The following SIRT3 variants were observed in gnomAD, a reference collection of about 807,000 sequenced individuals.
The protein encoded by SIRT3 is sirtuin 3.
In SIRT3, 26 loss-of-function variants were observed where a neutral mutation model predicts 33.5. That is an observed-to-expected ratio of 0.78 (90% CI 0.57 to 1.08). The LOEUF (loss-of-function observed/expected upper bound fraction) is 1.08. Ranked by LOEUF, SIRT3 falls within the 50% of genes least tolerant of loss-of-function variation. The probability of loss-of-function intolerance (pLI) is 0.00; values close to 1 mark genes in which losing one functional copy is unlikely to be tolerated. For missense variants in SIRT3, 585 were observed against 530.1 expected (o/e 1.10, Z -1.02); for synonymous variants, 237 against 222.1 (o/e 1.07, Z -0.60).
At position 233,343 on chromosome 11, in the gene SIRT3, C is replaced by T; in HGVS notation, c.473G>A (p.Arg158Lys). Residue 158 changes from arginine (R) to lysine (K), a missense_variant and splice_region_variant, in exon 2 of 7, where the codon AGA becomes AAA. By Grantham distance (26) the Arg-to-Lys change is conservative. Coordinates refer to ENST00000382743, the MANE Select transcript of SIRT3 (RefSeq NM_012239.6). Reference sequence around the variant, plus strand: ...AGGCAGGTGGGACTGTGGGCAGTACCTGAAGTCTGGAATGCCACTGGGTGT... The same window carrying T: ...AGGCAGGTGGGACTGTGGGCAGTACTTGAAGTCTGGAATGCCACTGGGTGT... Reference protein sequence around the residue: ...ISTPSGIPDFRSPGSGLYSNL... With the variant: ...ISTPSGIPDFKSPGSGLYSNL... The T allele has an allele frequency of 6.2e-7, 1 of 1,613,376 alleles. No individual in the cohort carries two copies. Among genetic ancestry groups the T allele is most frequent in the Non-Finnish European group, 8.5e-7 (1 of 1,179,616 alleles).
intron 4 of SIRT3, among the ~76,000 whole-genome samples, chr11:224,563 G>A (rs1037429028): frequency 1.9e-4 from 29 of 152,320 alleles, no homozygotes; most frequent in Admixed American, 4.6e-4. Flanking sequence ...ACATCCAGGC[G>A]CTAAGGAAAC....
intron 3 of SIRT3, among the ~76,000 whole-genome samples, chr11:231,391 T>C (rs1184224434): frequency 6.6e-6 from 1 of 152,180 alleles, no homozygotes; most frequent in Non-Finnish European, 1.5e-5. Flanking sequence ...GCTATGATCA[T>C]GCCACTGCAC....
intron 6 of SIRT3, among the ~76,000 whole-genome samples, chr11:218,077 G>GT (rs1251211271): frequency 6.6e-6 from 1 of 152,174 alleles, no homozygotes; most frequent in African/African-American, 2.4e-5. Context: ...ATATGGAACT[G>GT]TGAGTCCATT....
At position 218,976 on chromosome 11, in the gene SIRT3, C is replaced by T; in HGVS notation, c.1035G>A (p.Arg345=). The change falls in exon 6 of 7, where the codon CGG becomes CGA. Residue 345 remains arginine, a synonymous_variant. Coordinates refer to ENST00000382743, the MANE Select transcript of SIRT3 (RefSeq NM_012239.6). ...RSSVPRLLIN[R]DLVGPLAWHP... is the part of the protein sequence containing the mutation. ...GCCAAGCCAAGGGCCCCACCAAGTC[C>T]CGGTTGATGAGCAGTCGGGGAACTG... 6.2e-7 allele frequency: 1 copy of T among 1,614,172 alleles called. No individual in the cohort carries two copies.
chr11:235,595 G>C (rs1233774419), intron 1 of SIRT3, among the ~76,000 whole-genome samples: 2 of 152,212 alleles, frequency 1.3e-5, no homozygotes, highest in African/African-American at 4.8e-5. Context: ...TAGGGCATCT[G>C]ATACCTAACA....
chr11:236,032 T>C lies in SIRT3; in HGVS notation c.281+16A>G. The C allele has an allele frequency of 6.7e-7, 1 of 1,492,174 alleles. No individual in the cohort carries two copies. The highest frequency in any genetic ancestry group is 2.5e-5 in the East Asian group (1 of 40,058). 92.4% of individuals were successfully genotyped at this position (1,492,174 alleles called of 1,614,324 possible). ...ACAACGAACACGCAAGAAGTGCTTG[T>C]CCTTGCCCAAAATACCTCGAAAAGA... On this transcript the variant is annotated intron_variant, in intron 1 of 6. Transcript: ENST00000382743.
intron 4 of SIRT3, among the ~76,000 whole-genome samples, chr11:227,703 G>A (rs1857367886): frequency 6.6e-6 from 1 of 151,844 alleles, no homozygotes; most frequent in African/African-American, 2.4e-5. Context: ...TCAGCTCACA[G>A]CAACCTCCCC....
At position 216,262 on chromosome 11, in the gene SIRT3, G is replaced by A. The variant is rs200333662; in HGVS notation, c.*436C>T. 1.8e-5 allele frequency: 3 copies of A among 168,742 alleles called. No individual in the cohort carries two copies. The highest frequency in any genetic ancestry group is 3.2e-4 in the South Asian group (2 of 6,282). 10.5% of individuals were successfully genotyped at this position (168,742 alleles called of 1,614,324 possible). On this transcript the variant is annotated 3_prime_UTR_variant, in exon 7 of 7. Transcript: ENST00000382743. ...CACCAGGGCCTCAAGACTACACTTCGGAACATGAAGAGGGCTGGGGACCGC... is the reference window on the plus strand; with the variant it reads ...CACCAGGGCCTCAAGACTACACTTCAGAACATGAAGAGGGCTGGGGACCGC...
At chr11:231,870 G>GCCAGGTGACTGCT (rs148370769) in intron 3 of SIRT3, among the ~76,000 whole-genome samples, 1 of 150,746 alleles carries the variant, frequency 6.6e-6, no homozygotes, top group Admixed American at 6.6e-5. Flanking sequence ...CTCTCCGGGA[G>GCCAGGTGACTGCT]CCTGGCTCCC....
At chr11:235,567 TTAAA>T (rs1274711577) in intron 1 of SIRT3, among the ~76,000 whole-genome samples, 4 of 152,220 alleles carry the variant, frequency 2.6e-5, no homozygotes, top group Non-Finnish European at 4.4e-5. Context: ...CATTATTTAC[TTAAA>T]TATTCATCCA....
rs1856784758 is a variant in SIRT3, at chr11:223,864, TGAGATGA to T, written c.969+207_969+213del. ...CCTGCACAGGCCTGCCGACAGCCCA[TGAGATGA>T]CTCCTGTACCCCTCCCTTCCCCTGC... On this transcript the variant is annotated intron_variant, in intron 5 of 6. Coordinates refer to ENST00000382743, the MANE Select transcript of SIRT3 (RefSeq NM_012239.6). This position sits in a 1 kb window ranked among gnomAD's most constrained non-coding sequence, Gnocchi z 4.8. The T allele has an allele frequency of 3.4e-6, 1 of 297,136 alleles. No homozygotes were observed. The highest frequency in any genetic ancestry group is 3.1e-5 in the African/African-American group (1 of 32,036). 18.4% of individuals were successfully genotyped at this position (297,136 alleles called of 1,614,324 possible).
chr11:225,062 G>A (rs146540347), intron 4 of SIRT3, among the ~76,000 whole-genome samples: 325 of 151,066 alleles, frequency 2.2e-3, no homozygotes, highest in Middle Eastern at 0.014. Flanking sequence ...TTATCTTGGA[G>A]GCATGGGGTA....
At chr11:216,758 C>T in intron 6 of SIRT3, 40 bp from the exon 7 acceptor site, 3 of 1,612,038 alleles carry the variant, frequency 1.9e-6, no homozygotes, top group Middle Eastern at 1.7e-4. Flanking sequence ...TATCTGTTTA[C>T]ACACCCAGGC....
chr11:218,291 G>C (rs1855935655), intron 6 of SIRT3, among the ~76,000 whole-genome samples: 1 of 152,208 alleles, frequency 6.6e-6, no homozygotes, highest in Admixed American at 6.5e-5. Flanking sequence ...ATTCTTATGG[G>C]AAACTGCATT....
chr11:217,868 G>C (rs1052324000), intron 6 of SIRT3, among the ~76,000 whole-genome samples: 3 of 152,244 alleles, frequency 2.0e-5, no homozygotes, highest in Non-Finnish European at 4.4e-5. Context: ...CATGTGTCAA[G>C]GGTGGGGCCA....
intron 3 of SIRT3, among the ~76,000 whole-genome samples, chr11:231,949 C>T (rs561930566): frequency 2.2e-5 from 3 of 134,404 alleles, no homozygotes; most frequent in Non-Finnish European, 3.3e-5. Context: ...CAAGTGCTTC[C>T]GTTAGGTGCA....
intron 1 of SIRT3, among the ~76,000 whole-genome samples, chr11:235,368 G>A (rs2133959146): frequency 6.6e-6 from 1 of 152,164 alleles, no homozygotes; most frequent in African/African-American, 2.4e-5. Context: ...ACCATGCCCG[G>A]CTAATTTTTA....
intron 4 of SIRT3, among the ~76,000 whole-genome samples, chr11:228,985 T>A (rs1234072184): frequency 6.6e-6 from 1 of 152,176 alleles, no homozygotes; most frequent in Non-Finnish European, 1.5e-5. Flanking sequence ...TCATGAATCA[T>A]TAGGAAAATG....
Position 232,169 on chromosome 11 carries a change from G to A in SIRT3, c.706+814C>T, listed in dbSNP as rs571898065. 5.3e-5 allele frequency among the ~76,000 whole-genome samples: 8 copies of A among 152,202 alleles called. No individual in the cohort carries two copies. The South Asian group carries it at 1.2e-3, about 24-fold the overall frequency. ...ATCTCCCTCTGTCGCCCAGGCTGGA[G>A]TGAAGTGGCACGATCTCGGCTCACT... On this transcript the variant is annotated intron_variant, in intron 3 of 6. Coordinates refer to ENST00000382743, the MANE Select transcript of SIRT3 (RefSeq NM_012239.6).
Sources: allele counts gnomAD v4.1 joint callset (sites outside exome capture counted in the v4.1 genomes callset), GRCh38; gene constraint gnomAD v4.1.1; non-coding constraint Gnocchi (gnomAD v3.1); transcripts MANE v1.5; gene names NCBI Gene and HGNC (gene_info 2026-07-23, HGNC 2026-07-21).